The following VPS8 variants were observed in gnomAD, a reference collection of about 807,000 sequenced individuals.
VPS8 encodes VPS8 subunit of CORVET complex, also known as vacuolar protein sorting-associated protein 8 homolog.
A neutral mutation model predicts 216.4 loss-of-function variants in VPS8; 129 were observed. The ratio of observed to expected loss-of-function variants is 0.60; its 90% CI spans 0.52 to 0.69. The LOEUF (loss-of-function observed/expected upper bound fraction) is 0.69, where lower values mean the gene tolerates loss of function less well. VPS8 is among the 30% of genes least tolerant of loss of function. The pLI, the probability that VPS8 is intolerant of heterozygous loss-of-function variation, is 0.00. For synonymous variants in VPS8, 571 were observed against 565.4 expected, an observed-to-expected ratio of 1.01 and a Z score of -0.14; for missense variants, 1,531 against 1,683.5, an observed-to-expected ratio of 0.91 and a Z score of 1.59.
chr3:184,854,401 A>G (rs1439042421), intron 13 of VPS8, among the ~76,000 whole-genome samples: 1 of 152,116 alleles, frequency 6.6e-6, no homozygotes, highest in Non-Finnish European at 1.5e-5. Context: ...TTTCCACTTT[A>G]TCACTTTAAG....
chr3:184,975,016 T>A (rs1456275468), intron 40 of VPS8, among the ~76,000 whole-genome samples: 1 of 152,112 alleles, frequency 6.6e-6, no homozygotes, highest in African/African-American at 2.4e-5. Flanking sequence ...ATCCTTTTTG[T>A]TCAGGATTGC....
chr3:184,877,783 C>G (rs1729547675), intron 21 of VPS8, among the ~76,000 whole-genome samples: 1 of 152,158 alleles, frequency 6.6e-6, no homozygotes, highest in Non-Finnish European at 1.5e-5. Flanking sequence ...ATGTAACTCA[C>G]TTTGAAACAG....
rs370791326 is a variant in VPS8 at position 184,870,781 on chromosome 3, C to A, written c.1710C>A (p.Ile570=). 22 of 1,611,820 alleles carry A rather than the reference C, an allele frequency of 1.4e-5. No homozygotes were observed. The African/African-American group carries it at 2.1e-4, about 16-fold the overall frequency. ...ALKKCPDQGK[I]QVMEQHFQDM... ...AAAAGTGCCCAGACCAAGGAAAAAT[C>A]CAAGTGATGGAGCAGCATTTTCAGG... The change falls in exon 21 of 48, where the codon ATC becomes ATA. Residue 570 remains isoleucine (I), a synonymous_variant. Coordinates refer to ENST00000625842, the MANE Select transcript of VPS8 (RefSeq NM_001009921.3).
intron 46 of VPS8, among the ~76,000 whole-genome samples, chr3:185,045,600 A>T (rs560789198): frequency 1.3e-5 from 2 of 152,060 alleles, no homozygotes; most frequent in Non-Finnish European, 2.9e-5. Flanking sequence ...GTGAAACCCC[A>T]TCTCTACTAA....
intron 42 of VPS8, among the ~76,000 whole-genome samples, chr3:184,983,563 C>A (rs185489282): frequency 1.3e-5 from 2 of 152,102 alleles, no homozygotes; most frequent in Admixed American, 1.3e-4. Flanking sequence ...GGCTTTGTGT[C>A]CAAAGCTTTT....
At chr3:185,013,537 A>C (rs1055971486) in intron 45 of VPS8, among the ~76,000 whole-genome samples, 1 of 152,184 alleles carries the variant, frequency 6.6e-6, no homozygotes, top group African/African-American at 2.4e-5. Context: ...TGTGTCTGGG[A>C]TACTTTAAAT....
At chr3:184,941,871 T>C (rs1385985167) in intron 36 of VPS8, among the ~76,000 whole-genome samples, 1 of 151,920 alleles carries the variant, frequency 6.6e-6, no homozygotes, top group African/African-American at 2.4e-5. Flanking sequence ...AAATGAAGTG[T>C]GGAAAGTGAT....
chr3:184,928,605 A>G, intron 32 of VPS8, 72 bp downstream of exon 32: 2 of 1,129,330 alleles, frequency 1.8e-6, no homozygotes, highest in South Asian at 2.9e-5. Context: ...CTTAAAGCTC[A>G]GTTTATTGAT....
chr3:184,843,239 G>A lies in VPS8; in HGVS notation c.536-1G>A. ...TGATCTTTTCTTCATGGATTCAAAA[G>A]GAAAAGGTATAGTAAGTAATTTTAG... On this transcript the variant is annotated splice_acceptor_variant, in intron 7 of 47. Transcript: ENST00000625842. LOFTEE classifies it high-confidence loss of function. 1 of 1,415,764 alleles carries A rather than the reference G, an allele frequency of 7.1e-7. No individual in the cohort carries two copies. The highest frequency in any genetic ancestry group is 1.6e-5 in the South Asian group (1 of 64,218). 87.7% of individuals were successfully genotyped at this position (1,415,764 alleles called of 1,614,324 possible). A position where few individuals can be genotyped will look rare whatever the true frequency, so the allele number is the denominator to read the frequency against.
At chr3:185,000,488 C>T (rs1753251514) in intron 45 of VPS8, among the ~76,000 whole-genome samples, 2 of 152,246 alleles carry the variant, frequency 1.3e-5, no homozygotes, top group South Asian at 4.2e-4. Flanking sequence ...TATACTTCCT[C>T]TTTGAGGTAG....
At chr3:184,971,979 G>A (rs1277887499) in intron 40 of VPS8, among the ~76,000 whole-genome samples, 1 of 152,036 alleles carries the variant, frequency 6.6e-6, no homozygotes, top group African/African-American at 2.4e-5. Context: ...AGAAGGCTGA[G>A]GTAGGAGAAT....
chr3:184,868,593 A>G (rs1403154218), intron 18 of VPS8, among the ~76,000 whole-genome samples: 1 of 152,216 alleles, frequency 6.6e-6, no homozygotes. Flanking sequence ...GTAGTCTTAG[A>G]AATATCCTTC....
chr3:184,983,325 G>A (rs146435153), intron 42 of VPS8, among the ~76,000 whole-genome samples: 6 of 152,234 alleles, frequency 3.9e-5, no homozygotes, highest in Non-Finnish European at 5.9e-5. Context: ...CAGTTAGGGC[G>A]TGCGGCCTTC....
chr3:185,006,809 C>T (rs182510377), intron 45 of VPS8, among the ~76,000 whole-genome samples: 16 of 149,404 alleles, frequency 1.1e-4, no homozygotes, highest in African/African-American at 3.9e-4. Context: ...ATTGGAATCC[C>T]CTCACTGCCT....
At chr3:184,975,597 G>T (rs1346043475) in intron 40 of VPS8, among the ~76,000 whole-genome samples, 2 of 152,090 alleles carry the variant, frequency 1.3e-5, no homozygotes, top group African/African-American at 4.8e-5. Context: ...TTGAATAACA[G>T]TGGTAAAAGT....
intron 45 of VPS8, among the ~76,000 whole-genome samples, chr3:185,000,885 G>A (rs1304781035): frequency 6.6e-6 from 1 of 152,134 alleles, no homozygotes; most frequent in Non-Finnish European, 1.5e-5. Context: ...GATTACAGGC[G>A]TGAGCCACCG....
intron 43 of VPS8, among the ~76,000 whole-genome samples, chr3:184,995,173 A>G (rs1242177981): frequency 6.6e-6 from 1 of 152,248 alleles, no homozygotes; most frequent in African/African-American, 2.4e-5. Flanking sequence ...TGTAAGTCTC[A>G]GTAAGAGCCA....
chr3:184,916,030 C>T (rs1737508846), intron 28 of VPS8, among the ~76,000 whole-genome samples: 1 of 152,002 alleles, frequency 6.6e-6, no homozygotes, highest in Non-Finnish European at 1.5e-5. Context: ...TCTCTCTCTT[C>T]CTTCCTCTCT....
chr3:185,017,752 G>A (rs1488838429), intron 45 of VPS8, among the ~76,000 whole-genome samples: 2 of 152,184 alleles, frequency 1.3e-5, no homozygotes, highest in African/African-American at 2.4e-5. Flanking sequence ...TGGCACTACC[G>A]GCTGTGGCGG....
Sources: gnomAD v4.1 joint callset for allele counts (sites outside exome capture counted in the v4.1 genomes callset) on GRCh38, gnomAD v4.1.1 for gene constraint, MANE v1.5 for transcripts, NCBI Gene and HGNC (gene_info 2026-07-23, HGNC 2026-07-21) for gene names.